The following USP34 variants were observed in gnomAD, a reference collection of about 807,000 sequenced individuals.
USP34 encodes the protein ubiquitin carboxyl-terminal hydrolase 34.
USP34 carries 70 observed loss-of-function variants against 460.3 expected under a neutral mutation model. That is an observed-to-expected ratio of 0.15 (90% CI 0.13 to 0.19). USP34 has a LOEUF of 0.19. Ranked by LOEUF, USP34 falls within the 10% of genes least tolerant of loss-of-function variation. The probability of loss-of-function intolerance (pLI) is 1.00; values close to 1 mark genes in which losing one functional copy is unlikely to be tolerated. For missense variants in USP34, 3,985 were observed against 4,236.2 expected, an observed-to-expected ratio of 0.94 and a Z score of 1.65; for synonymous variants, 1,647 against 1,405.3, an observed-to-expected ratio of 1.17 and a Z score of -3.85.
At chr2:61,304,085 A>T (rs1324168101) in intron 27 of USP34, among the ~76,000 whole-genome samples, 1 of 151,920 alleles carries the variant, frequency 6.6e-6, no homozygotes, top group African/African-American at 2.4e-5. Flanking sequence ...TTTAGTAGAG[A>T]CAGGGTTTCG....
chr2:61,220,167 A>G, intron 67 of USP34, 143 bp downstream of exon 67: 1 of 438,158 alleles, frequency 2.3e-6, no homozygotes, highest in Non-Finnish European at 3.5e-6. Context: ...AAAAAAAAAA[A>G]AAAAAAAAAA....
In USP34 at chr2:61,348,875, C is replaced by A; in HGVS notation, c.1555G>T (p.Ala519Ser). The A allele has an allele frequency of 6.2e-7, 1 of 1,610,428 alleles. No individual in the cohort carries two copies. ...RTAPSPWSPAASPQSSDNSDT... is the reference protein window; with the variant it reads ...RTAPSPWSPASSPQSSDNSDT... ...CTATTATCACTGCTTTGAGGACTAG[C>A]TGCAGGTGACCCTATATAAAATACA... Residue 519 changes from alanine to serine, a missense_variant, in exon 14 of 80, where the codon GCT (alanine) becomes TCT (serine). This residue lies in a region of USP34 where 716 missense variants were observed against 626.2 expected (regional missense o/e 1.14). Coordinates refer to ENST00000398571, the MANE Select transcript of USP34 (RefSeq NM_014709.4).
intron 1 of USP34, among the ~76,000 whole-genome samples, chr2:61,468,209 A>C (rs187648092): frequency 3.9e-4 from 59 of 152,144 alleles, no homozygotes; most frequent in African/African-American, 1.3e-3. Flanking sequence ...TTTTGAGACA[A>C]AGTTTCGCTC....
At chr2:61,248,303 T>G (rs572090174) in intron 49 of USP34, among the ~76,000 whole-genome samples, 3 of 151,960 alleles carry the variant, frequency 2.0e-5, no homozygotes, top group Non-Finnish European at 4.4e-5. Flanking sequence ...GTGTCTCCAG[T>G]ATACAGAAGA....
intron 41 of USP34, among the ~76,000 whole-genome samples, chr2:61,270,028 T>C (rs988863437): frequency 2.6e-5 from 4 of 152,236 alleles, no homozygotes; most frequent in Non-Finnish European, 5.9e-5. Context: ...AAGTGTATTT[T>C]TGTATTCATT....
chr2:61,342,296 C>CTTT (rs34298126), intron 16 of USP34, among the ~76,000 whole-genome samples: 6,003 of 95,026 alleles, frequency 0.063, 373 homozygotes, highest in East Asian at 0.12. Flanking sequence ...TGGCCGTTTC[C>CTTT]TTTTTTTTTT....
At chr2:61,311,955 A>G in intron 25 of USP34, 45 bp from the exon 26 acceptor site, 1 of 1,596,536 alleles carries the variant, frequency 6.3e-7, no homozygotes, top group Non-Finnish European at 8.5e-7. Context: ...ACCATTTTAA[A>G]CCATTTTAAT....
chr2:61,339,663 T>A lies in USP34; in HGVS notation c.2519A>T (p.His840Leu). 1 of 1,527,648 alleles carries A rather than the reference T, an allele frequency of 6.5e-7. No individual in the cohort carries two copies. 94.6% of individuals were successfully genotyped at this position (1,527,648 alleles called of 1,614,324 possible). The change falls in exon 17 of 80, where the codon CAT becomes CTT. Residue 840 changes from histidine to leucine, a missense_variant. Physicochemically the swap from His to Leu is moderately conservative, Grantham distance 99. This residue lies in a region of USP34 where 716 missense variants were observed against 626.2 expected (regional missense o/e 1.14). Transcript: ENST00000398571. ...TGTAACAGCATTACTGTTGAATTGATGTTTATGAACTACAGGTCCTGAAGA... is the reference window on the plus strand; with the variant it reads ...TGTAACAGCATTACTGTTGAATTGAAGTTTATGAACTACAGGTCCTGAAGA... The part of the protein sequence containing the change: ...HLSQGPVVHK[H>L]QFNSNAVTDI...
Position 61,277,836 on chromosome 2 carries a change from T to A in USP34, c.5433+329A>T, listed in dbSNP as rs1052261418. ...TGAATCATGGCGGCGGTTTCCCCCA[T>A]ACTGTTCTTGTGATAAGTGAATAAG... On this transcript the variant is annotated intron_variant, in intron 41 of 79. Transcript: ENST00000398571. 1.3e-5 allele frequency: 3 copies of A among 224,332 alleles called. No individual in the cohort carries two copies. In the South Asian group the frequency reaches 2.6e-4, roughly 20 times the overall value. 13.9% of individuals were successfully genotyped at this position (224,332 alleles called of 1,614,324 possible). A position where few individuals can be genotyped will look rare whatever the true frequency, so the allele number is the denominator to read the frequency against.
chr2:61,349,309 A>C (rs1691869904), intron 12 of USP34, 24 bp from the exon 13 acceptor site: 1 of 1,611,742 alleles, frequency 6.2e-7, no homozygotes, highest in East Asian at 2.2e-5. Context: ...AAAAAACAGG[A>C]GAAAAACATT....
Position 61,255,192 on chromosome 2 carries a change from G to T in USP34, c.6221+1192C>A, listed in dbSNP as rs546557094. 2.0e-5 allele frequency among the ~76,000 whole-genome samples: 3 copies of T among 152,262 alleles called. No homozygotes were observed. In the South Asian group the frequency reaches 6.2e-4, roughly 32 times the overall value. Reference sequence around the variant, plus strand: ...CCAAGAAATTCTACTGAAAATGAAAGCTGAGGAAGAATATTTTTGATCAAT... The same window carrying T: ...CCAAGAAATTCTACTGAAAATGAAATCTGAGGAAGAATATTTTTGATCAAT... On this transcript the variant is annotated intron_variant, in intron 48 of 79. Transcript: ENST00000398571.
intron 20 of USP34, among the ~76,000 whole-genome samples, chr2:61,328,166 G>T (rs781279113): frequency 6.6e-6 from 1 of 152,006 alleles, no homozygotes; most frequent in Non-Finnish European, 1.5e-5. Context: ...GCCGGGTGCA[G>T]TGGCAGGCAC....
In USP34 at chr2:61,253,684, T is replaced by G. The variant is rs185189265; in HGVS notation, c.6221+2700A>C. ...GATATCTTTCATCTAGAAAAATCCT[T>G]TGTTTGAGCCCCAAGACTCTTTCTG... On this transcript the variant is annotated intron_variant, in intron 48 of 79. Coordinates refer to ENST00000398571, the MANE Select transcript of USP34 (RefSeq NM_014709.4). 1.4e-4 allele frequency among the ~76,000 whole-genome samples: 21 copies of G among 152,244 alleles called. No homozygotes were observed. In the East Asian group the frequency reaches 3.9e-3, roughly 28 times the overall value.
intron 3 of USP34, among the ~76,000 whole-genome samples, chr2:61,401,306 A>G (rs1335763304): frequency 6.6e-6 from 1 of 151,854 alleles, no homozygotes; most frequent in African/African-American, 2.4e-5. Flanking sequence ...AGGCATGATC[A>G]TAACTCACTG....
intron 18 of USP34, among the ~76,000 whole-genome samples, chr2:61,336,936 T>C (rs1172992120): frequency 1.3e-5 from 2 of 152,158 alleles, no homozygotes; most frequent in African/African-American, 4.8e-5. Context: ...GGCCTGCAAT[T>C]ATTTGCCTAA....
In USP34 at chr2:61,211,909, G is replaced by T. The variant is rs2103787405; in HGVS notation, c.8703C>A (p.Asn2901Lys). 6.2e-7 allele frequency: 1 copy of T among 1,606,962 alleles called. No homozygotes were observed. Among genetic ancestry groups the T allele is most frequent in the Non-Finnish European group, 8.5e-7 (1 of 1,177,994 alleles). ...TCTGAGCTATAAACAGCTGCATCAG[G>T]TTAAACAGTTCTTCTACTGCCTAAA... ...QYPGAVEELF[N>K]LMQLFIAQRP... The change falls in exon 69 of 80, where the codon AAC (asparagine) becomes AAA (lysine). Residue 2901 changes from asparagine (N) to lysine (K), a missense_variant. Asn to Lys is a moderately conservative substitution (Grantham distance 94, BLOSUM62 0). Coordinates refer to ENST00000398571, the MANE Select transcript of USP34 (RefSeq NM_014709.4).
intron 62 of USP34, 75 bp downstream of exon 62, chr2:61,226,992 A>G (rs1687747437): frequency 2.0e-6 from 3 of 1,484,328 alleles, no homozygotes; most frequent in Non-Finnish European, 1.8e-6. Context: ...CTAGTGGAAA[A>G]ACTAGTGGTA....
intron 62 of USP34, among the ~76,000 whole-genome samples, chr2:61,225,853 T>C (rs1453381798): frequency 6.6e-6 from 1 of 152,266 alleles, no homozygotes; most frequent in East Asian, 1.9e-4. Context: ...AAAACTCATA[T>C]GAATGAAATG....
Position 61,232,633 on chromosome 2 carries a change from C to A in USP34, c.7033-101G>T, listed in dbSNP as rs1041907634. 2.5e-5 allele frequency: 24 copies of A among 954,748 alleles called. No individual in the cohort carries two copies. In the African/African-American group the frequency reaches 3.1e-4, roughly 13 times the overall value. 59.1% of individuals were successfully genotyped at this position (954,748 alleles called of 1,614,324 possible). A position where few individuals can be genotyped will look rare whatever the true frequency, so the allele number is the denominator to read the frequency against. ...TTTATTTCTAGTCAATGTTTTAATTCTTTTAAGTTCTTACCAGAAAAGTTT... is the reference window on the plus strand; with the variant it reads ...TTTATTTCTAGTCAATGTTTTAATTATTTTAAGTTCTTACCAGAAAAGTTT... On this transcript the variant is annotated intron_variant, in intron 57 of 79. Coordinates refer to ENST00000398571, the MANE Select transcript of USP34 (RefSeq NM_014709.4).
Sources: gnomAD v4.1 joint callset for allele counts (sites outside exome capture counted in the v4.1 genomes callset) on GRCh38, gnomAD v4.1.1 for gene constraint, gnomAD v4.1.1 regional missense constraint, MANE v1.5 for transcripts, NCBI Gene and HGNC (gene_info 2026-07-23, HGNC 2026-07-21) for gene names.